ATRNL1: variants seen among roughly 807,000 people sequenced by gnomAD.
ATRNL1 encodes the protein attractin like 1.
In ATRNL1, 95 loss-of-function variants were observed where a neutral mutation model predicts 182.7. The ratio of observed to expected loss-of-function variants is 0.52; its 90% confidence interval spans 0.44 to 0.62. The LOEUF is 0.62. Among genes scored for constraint, ATRNL1 ranks in the 20% least tolerant of loss-of-function variants. ATRNL1 has a pLI of 0.00. For missense variants in ATRNL1, 1,471 were observed against 1,679.5 expected (o/e 0.88, Z 2.17); for synonymous variants, 576 against 568.3 (o/e 1.01, Z -0.19).
intron 24 of ATRNL1, among the ~76,000 whole-genome samples, chr10:115,503,944 T>A (rs895650206): frequency 2.6e-5 from 4 of 151,978 alleles, no homozygotes; most frequent in African/African-American, 9.6e-5. Context: ...TTTACCTTCT[T>A]GTAATATAAC....
intron 10 of ATRNL1, among the ~76,000 whole-genome samples, chr10:115,253,611 T>A (rs544080341): frequency 3.0e-4 from 45 of 152,292 alleles, no homozygotes; most frequent in South Asian, 6.2e-4. Context: ...TTTTTATTAT[T>A]ATTATGCTTT....
intron 19 of ATRNL1, among the ~76,000 whole-genome samples, chr10:115,391,599 G>A (rs137931610): frequency 4.7e-5 from 7 of 148,888 alleles, no homozygotes; most frequent in African/African-American, 1.8e-4. Context: ...TATTAAACTG[G>A]CTTTTCTACA....
At chr10:115,525,073 GATTAGTTAATCGGTTTT>G (rs1437279405) in intron 25 of ATRNL1, among the ~76,000 whole-genome samples, 1 of 152,148 alleles carries the variant, frequency 6.6e-6, no homozygotes, top group Admixed American at 6.5e-5. Context: ...TCAGTCACCT[GATTAGTTAATCGGTTTT>G]GGATTTTAAA....
At chr10:115,575,046 G>C (rs1261449405) in intron 26 of ATRNL1, among the ~76,000 whole-genome samples, 3 of 152,176 alleles carry the variant, frequency 2.0e-5, no homozygotes, top group African/African-American at 7.2e-5. Context: ...AAACATTGTT[G>C]CTTTTTCCTT....
intron 19 of ATRNL1, among the ~76,000 whole-genome samples, chr10:115,360,539 A>G (rs1463891215): frequency 6.6e-6 from 1 of 151,536 alleles, no homozygotes; most frequent in Non-Finnish European, 1.5e-5. Flanking sequence ...ATTGATGCAT[A>G]TTGTTATTAA....
At chr10:115,278,915 G>A (rs1554915785) in intron 13 of ATRNL1, among the ~76,000 whole-genome samples, 1 of 151,898 alleles carries the variant, frequency 6.6e-6, no homozygotes. Context: ...TATAAGACTT[G>A]AGAGGGGCCG....
chr10:115,467,261 A>C lies in ATRNL1; in HGVS notation c.3496+9A>C. The C allele has an allele frequency of 6.3e-7, 1 of 1,582,864 alleles. No individual in the cohort carries two copies. The highest frequency in any genetic ancestry group is 8.6e-7 in the Non-Finnish European group (1 of 1,156,604). On this transcript the variant is annotated intron_variant, in intron 23 of 28. Transcript: ENST00000355044. ...GTCTGTCGGTTCAACAGGTAAAAAA[A>C]TGTTGATGTCATATCTCTTTTACAT... is the stretch of plus-strand genomic sequence containing the variant.
chr10:115,854,778 C>T (rs891456354), intron 28 of ATRNL1, among the ~76,000 whole-genome samples: 15 of 152,186 alleles, frequency 9.9e-5, no homozygotes, highest in Non-Finnish European at 5.9e-5. Flanking sequence ...TGCCCTTTTA[C>T]ATCTCAGTAA....
intron 26 of ATRNL1, among the ~76,000 whole-genome samples, chr10:115,552,068 G>A (rs1554995696): frequency 6.6e-6 from 1 of 151,196 alleles, no homozygotes; most frequent in Admixed American, 6.6e-5. Flanking sequence ...AGTATATATA[G>A]GGCTTAGTAG....
intron 27 of ATRNL1, among the ~76,000 whole-genome samples, chr10:115,829,725 G>T (rs1167518114): frequency 6.6e-6 from 1 of 151,740 alleles, no homozygotes; most frequent in African/African-American, 2.4e-5. Flanking sequence ...TTCCTTTATG[G>T]TTTTGGAGAC....
intron 26 of ATRNL1, among the ~76,000 whole-genome samples, chr10:115,694,174 A>G (rs782454941): frequency 1.1e-4 from 6 of 52,680 alleles, no homozygotes; most frequent in African/African-American, 2.3e-4. Flanking sequence ...ACACAGACGC[A>G]CACACACACA....
chr10:115,892,809 C>T (rs1555111619), intron 28 of ATRNL1, among the ~76,000 whole-genome samples: 1 of 152,084 alleles, frequency 6.6e-6, no homozygotes, highest in East Asian at 1.9e-4. Flanking sequence ...GCTTATGCGC[C>T]TGTGTTTGTG....
chr10:115,335,277 A>G (rs1855426582), intron 19 of ATRNL1, among the ~76,000 whole-genome samples: 1 of 152,200 alleles, frequency 6.6e-6, no homozygotes, highest in Non-Finnish European at 1.5e-5. Flanking sequence ...GTTTGCCTAC[A>G]TAGCACCCAC....
intron 26 of ATRNL1, among the ~76,000 whole-genome samples, chr10:115,682,962 G>A (rs1365779328): frequency 5.9e-5 from 9 of 152,124 alleles, no homozygotes; most frequent in Admixed American, 5.2e-4. Flanking sequence ...CTTTAAGCAA[G>A]TTACGTATTC....
chr10:115,820,819 AG>A (rs1950277008), intron 27 of ATRNL1, among the ~76,000 whole-genome samples: 2 of 152,098 alleles, frequency 1.3e-5, no homozygotes, highest in African/African-American at 4.8e-5. Context: ...TATAATGGGT[AG>A]ATGATATGGT....
intron 1 of ATRNL1, among the ~76,000 whole-genome samples, chr10:115,106,601 T>G (rs1169333372): frequency 6.6e-6 from 1 of 152,220 alleles, no homozygotes; most frequent in Non-Finnish European, 1.5e-5. Flanking sequence ...AATTGAATCA[T>G]GGGGGCCAGT....
intron 10 of ATRNL1, among the ~76,000 whole-genome samples, chr10:115,264,121 T>G (rs1347035638): frequency 6.6e-6 from 1 of 151,734 alleles, no homozygotes; most frequent in Non-Finnish European, 1.5e-5. Context: ...CTAGGGTTCA[T>G]GTGCACAACG....
intron 19 of ATRNL1, among the ~76,000 whole-genome samples, chr10:115,378,328 A>C (rs1459333845): frequency 1.3e-5 from 2 of 152,154 alleles, no homozygotes; most frequent in Non-Finnish European, 2.9e-5. Flanking sequence ...GGAAGGCAGA[A>C]CTGATTTCAG....
intron 27 of ATRNL1, among the ~76,000 whole-genome samples, chr10:115,790,591 G>T (rs1163457519): frequency 1.3e-5 from 2 of 150,368 alleles, no homozygotes; most frequent in Admixed American, 6.6e-5. Context: ...GAAGGAAAAT[G>T]AAATATTCTG....
Sources: allele counts gnomAD v4.1 joint callset (sites outside exome capture counted in the v4.1 genomes callset), GRCh38; gene constraint gnomAD v4.1.1; transcripts MANE v1.5; gene names NCBI Gene and HGNC (gene_info 2026-07-23, HGNC 2026-07-21).